PIAS1: variants seen among roughly 807,000 people sequenced by gnomAD.
The protein encoded by PIAS1 is protein inhibitor of activated STAT 1, also known as E3 SUMO-protein ligase PIAS1.
A neutral mutation model predicts 71.3 loss-of-function variants in PIAS1; 6 were observed. The observed-to-expected ratio is 0.08, with a 90% CI of 0.05 to 0.17. PIAS1 has a LOEUF of 0.17. Ranked by LOEUF, PIAS1 falls within the 10% of genes least tolerant of loss-of-function variation. The probability of loss-of-function intolerance (pLI) is 1.00; values close to 1 mark genes in which losing one functional copy is unlikely to be tolerated. For synonymous variants in PIAS1, 303 were observed against 292.9 expected, an observed-to-expected ratio of 1.03 and a Z score of -0.35; for missense variants, 555 against 793.6, an observed-to-expected ratio of 0.70 and a Z score of 3.61.
chr15:68,154,637 C>CTGAAT (rs2092874810), intron 7 of PIAS1, among the ~76,000 whole-genome samples: 1 of 152,208 alleles, frequency 6.6e-6, no homozygotes, highest in Non-Finnish European at 1.5e-5. Context: ...CCCACTACCC[C>CTGAAT]TGAATATCAA....
rs2093035558 is a variant in PIAS1 at position 68,178,821 on chromosome 15, G to A, written c.1481+2167G>A. ...TTTTTTCTTTAAAGAAAACATTTGA[G>A]TGTTTAGGAATCTAATATTTCTTCT... On this transcript the variant is annotated intron_variant, in intron 11 of 13. Transcript: ENST00000249636. This position sits in a 1 kb window ranked among gnomAD's most constrained non-coding sequence, Gnocchi z 4.2. Among the ~76,000 whole-genome samples the A allele has an allele frequency of 1.3e-5, 2 of 151,988 alleles. No individual in the cohort carries two copies. Among genetic ancestry groups the A allele is most frequent in the Non-Finnish European group, 2.9e-5 (2 of 67,972 alleles).
rs2092992902 is a variant in PIAS1, at chr15:68,171,775, C to T, written c.1009-1957C>T. 6.6e-6 allele frequency among the ~76,000 whole-genome samples: 1 copy of T among 152,052 alleles called. No homozygotes were observed. Among genetic ancestry groups the T allele is most frequent in the South Asian group, 2.1e-4 (1 of 4,810 alleles). On this transcript the variant is annotated intron_variant, in intron 8 of 13. Coordinates refer to ENST00000249636, the MANE Select transcript of PIAS1 (RefSeq NM_016166.3). This position sits in a 1 kb window ranked among gnomAD's most constrained non-coding sequence, Gnocchi z 4.4. ...TCGGTATCAAAGCAATTATTTTGGGCCCCAAATGACAGTTAATTTCCTGGT... is the reference window on the plus strand; with the variant it reads ...TCGGTATCAAAGCAATTATTTTGGGTCCCAAATGACAGTTAATTTCCTGGT...
Position 68,097,131 on chromosome 15 carries a change from A to G in PIAS1, c.469+10381A>G, listed in dbSNP as rs908773077. On this transcript the variant is annotated intron_variant, in intron 2 of 13. Transcript: ENST00000249636. ...CATGAAATGTTGTTGAAACTTGTCAAATGTCTTTTCTACATCCATTCAGAT... is the reference window on the plus strand; with the variant it reads ...CATGAAATGTTGTTGAAACTTGTCAGATGTCTTTTCTACATCCATTCAGAT... Among the ~76,000 whole-genome samples the G allele has an allele frequency of 3.9e-5, 6 of 152,148 alleles. No individual in the cohort carries two copies. In the East Asian group the frequency reaches 1.2e-3, roughly 29 times the overall value.
intron 2 of PIAS1, among the ~76,000 whole-genome samples, chr15:68,107,521 A>C (rs896447174): frequency 6.6e-6 from 1 of 152,226 alleles, no homozygotes; most frequent in African/African-American, 2.4e-5. Context: ...TTAAGTGTCT[A>C]GTATTTATAC....
chr15:68,125,309 C>T (rs2092643027), intron 2 of PIAS1, among the ~76,000 whole-genome samples: 1 of 152,146 alleles, frequency 6.6e-6, no homozygotes, highest in African/African-American at 2.4e-5. Context: ...CTACCAGAGC[C>T]TTCTGAACTG....
At chr15:68,147,174 A>G (rs1406533836) in intron 6 of PIAS1, among the ~76,000 whole-genome samples, 2 of 152,182 alleles carry the variant, frequency 1.3e-5, no homozygotes, top group African/African-American at 4.8e-5. Flanking sequence ...ATTTTAAGAA[A>G]TTTTGTGTAC....
intron 2 of PIAS1, among the ~76,000 whole-genome samples, chr15:68,130,677 A>AG (rs1048980089): frequency 2.0e-5 from 3 of 151,716 alleles, no homozygotes; most frequent in Non-Finnish European, 1.5e-5. Context: ...TAAAAAAAAA[A>AG]AAAAAAAGCT....
At chr15:68,138,896 G>A (rs2092751660) in intron 2 of PIAS1, among the ~76,000 whole-genome samples, 1 of 152,090 alleles carries the variant, frequency 6.6e-6, no homozygotes, top group South Asian at 2.1e-4. Context: ...GGAAAGGGAG[G>A]GGCATATTAA....
intron 1 of PIAS1, among the ~76,000 whole-genome samples, chr15:68,057,913 C>T (rs1209688943): frequency 6.6e-6 from 1 of 152,180 alleles, no homozygotes; most frequent in Non-Finnish European, 1.5e-5. Flanking sequence ...TGGGCGATCC[C>T]ATTGTCTTTT....
chr15:68,086,274 A>G lies in PIAS1; in HGVS notation c.25-32A>G. 2 of 1,371,254 alleles carry G rather than the reference A, an allele frequency of 1.5e-6. No individual in the cohort carries two copies. The highest frequency in any genetic ancestry group is 2.0e-6 in the Non-Finnish European group (2 of 1,000,554). The allele number at this position is 1,371,254 out of a possible 1,614,324, so 84.9% of individuals were successfully genotyped here. ...ATAGTGTAAATTATATTATTGGAAT[A>G]CTAATGTTTTACATTTTGTTTTTTC... On this transcript the variant is annotated intron_variant, in intron 1 of 13. Transcript: ENST00000249636. The surrounding 1 kb of genome is among the most constrained non-coding windows in gnomAD (Gnocchi z 7.2).
At chr15:68,106,715 T>C (rs1374176264) in intron 2 of PIAS1, among the ~76,000 whole-genome samples, 1 of 152,132 alleles carries the variant, frequency 6.6e-6, no homozygotes, top group African/African-American at 2.4e-5. Flanking sequence ...CCTAATATTA[T>C]CTATAAAGCA....
At chr15:68,155,168 G>A (rs2092878748) in intron 7 of PIAS1, among the ~76,000 whole-genome samples, 1 of 152,234 alleles carries the variant, frequency 6.6e-6, no homozygotes, top group East Asian at 1.9e-4. Context: ...GGGAGAGTGG[G>A]AACGTGAGTC....
At chr15:68,087,289 TATATA>T (rs752811407) in intron 2 of PIAS1, among the ~76,000 whole-genome samples, 40 of 152,314 alleles carry the variant, frequency 2.6e-4, no homozygotes, top group South Asian at 6.2e-4. Context: ...TGATTACGGT[TATATA>T]ATATAAGTGC....
intron 2 of PIAS1, chr15:68,087,962 T>C (rs1250092208): frequency 3.9e-5 from 11 of 285,044 alleles, no homozygotes. Context: ...GAATCTACTG[T>C]ATGCTTATAA....
In PIAS1 at chr15:68,188,619, C is replaced by G. The variant is rs1225495879; in HGVS notation, c.*784C>G. On this transcript the variant is annotated 3_prime_UTR_variant, in exon 14 of 14. Transcript: ENST00000249636. ...ACATATTCTCTTATTTGCTCTGTAC[C>G]CCCTGAGAATATGTTTTAGAGATAT... 1 of 152,132 alleles carries G rather than the reference C, an allele frequency of 6.6e-6. No homozygotes were observed. Among genetic ancestry groups the G allele is most frequent in the African/African-American group, 2.4e-5 (1 of 41,410 alleles). 9.4% of individuals were successfully genotyped at this position (152,132 alleles called of 1,614,324 possible).
intron 1 of PIAS1, among the ~76,000 whole-genome samples, chr15:68,072,956 T>C (rs1357626493): frequency 1.3e-5 from 2 of 152,210 alleles, no homozygotes; most frequent in African/African-American, 4.8e-5. Flanking sequence ...GCCAGTATGC[T>C]CAGTAGGCAC....
intron 1 of PIAS1, among the ~76,000 whole-genome samples, chr15:68,085,991 T>G (rs960461142): frequency 3.3e-5 from 5 of 152,210 alleles, no homozygotes; most frequent in African/African-American, 1.2e-4. Flanking sequence ...ACTCAGTAAG[T>G]GCTTGATAAA....
At chr15:68,133,310 G>T (rs953606087) in intron 2 of PIAS1, among the ~76,000 whole-genome samples, 1 of 152,152 alleles carries the variant, frequency 6.6e-6, no homozygotes. Context: ...GTCCAAGACA[G>T]GAAGGTTAAA....
At chr15:68,104,363 G>A (rs1448242356) in intron 2 of PIAS1, among the ~76,000 whole-genome samples, 1 of 152,006 alleles carries the variant, frequency 6.6e-6, no homozygotes, top group African/African-American at 2.4e-5. Flanking sequence ...TGGGAGTTCT[G>A]CCTTCTATTT....
Sources: gnomAD v4.1 joint callset for allele counts (sites outside exome capture counted in the v4.1 genomes callset) on GRCh38, gnomAD v4.1.1 for gene constraint, Gnocchi (gnomAD v3.1) non-coding constraint, MANE v1.5 for transcripts, NCBI Gene and HGNC (gene_info 2026-07-23, HGNC 2026-07-21) for gene names.